Variants in STOX1 observed in about 807,000 individuals in gnomAD.
STOX1 encodes storkhead-box protein 1.
In STOX1, 57 loss-of-function variants were observed where a neutral mutation model predicts 74.8. That is an observed-to-expected ratio of 0.76 (90% CI 0.62 to 0.95). The LOEUF (loss-of-function observed/expected upper bound fraction) is 0.95, where lower values mean the gene tolerates loss of function less well. STOX1 is among the 40% of genes least tolerant of loss of function. The pLI is 0.00. For missense variants in STOX1, 1,010 were observed against 1,117.0 expected (o/e 0.90, Z 1.37); for synonymous variants, 375 against 401.3 (o/e 0.93, Z 0.78).
At chr10:68,859,478 A>G (rs1458258645) in intron 1 of STOX1, among the ~76,000 whole-genome samples, 1 of 152,128 alleles carries the variant, frequency 6.6e-6, no homozygotes, top group African/African-American at 2.4e-5. Flanking sequence ...TGATGCAGGT[A>G]AAGCAGCAGC....
chr10:68,869,764 TC>T (rs976014050), intron 1 of STOX1, among the ~76,000 whole-genome samples: 2 of 152,212 alleles, frequency 1.3e-5, no homozygotes, highest in African/African-American at 4.8e-5. Context: ...ATAGAAGTTT[TC>T]AGAGCCTTTC....
chr10:68,853,802 C>T (rs572026761), intron 1 of STOX1, among the ~76,000 whole-genome samples: 1 of 151,742 alleles, frequency 6.6e-6, no homozygotes, highest in Admixed American at 6.6e-5. Context: ...TCTCCTGCCT[C>T]AGCCTCCCAA....
At chr10:68,853,928 G>T in intron 1 of STOX1, among the ~76,000 whole-genome samples, 1 of 151,752 alleles carries the variant, frequency 6.6e-6, no homozygotes, top group African/African-American at 2.4e-5. Flanking sequence ...CAGGTGATAT[G>T]CCTGTCTTGG....
intron 1 of STOX1, among the ~76,000 whole-genome samples, chr10:68,840,776 T>C (rs886834331): frequency 2.0e-5 from 3 of 151,874 alleles, no homozygotes; most frequent in African/African-American, 7.3e-5. Context: ...TGCCCAGGCT[T>C]GTCTTGAACT....
chr10:68,839,325 C>T (rs765397086), intron 1 of STOX1, among the ~76,000 whole-genome samples: 2 of 152,124 alleles, frequency 1.3e-5, no homozygotes, highest in Admixed American at 6.6e-5. Context: ...TGGGCTCAAG[C>T]GATCCTCCCA....
intron 1 of STOX1, among the ~76,000 whole-genome samples, chr10:68,855,961 A>G (rs1348727694): frequency 2.0e-5 from 3 of 151,932 alleles, no homozygotes; most frequent in Non-Finnish European, 4.4e-5. Flanking sequence ...TTATGTGTGG[A>G]CCGTATGTGA....
intron 1 of STOX1, among the ~76,000 whole-genome samples, chr10:68,863,740 C>T (rs180770515): frequency 2.8e-4 from 42 of 152,112 alleles, no homozygotes; most frequent in South Asian, 8.3e-4. Flanking sequence ...TGTATGGAAT[C>T]GTAACTGAGC....
rs570388101 is a variant in STOX1, at chr10:68,883,478, T to G, written c.464-782T>G. Among the ~76,000 whole-genome samples, 3 of 152,240 alleles carry G rather than the reference T, an allele frequency of 2.0e-5. No individual in the cohort carries two copies. In the South Asian group the frequency reaches 6.2e-4, roughly 32 times the overall value. On this transcript the variant is annotated intron_variant, in intron 2 of 3. Coordinates refer to ENST00000298596, the MANE Select transcript of STOX1 (RefSeq NM_152709.5). ...CCCAAGTTGGAGTGCAGTGGTGCAA[T>G]TACAGCTCATTGCAACCTCTGCCTC...
intron 1 of STOX1, among the ~76,000 whole-genome samples, chr10:68,833,090 T>G (rs918387108): frequency 6.9e-6 from 1 of 144,772 alleles, no homozygotes; most frequent in South Asian, 2.3e-4. Flanking sequence ...GTTTTTTTTT[T>G]TTTTTTTTTT....
chr10:68,885,982 A>T lies in STOX1; in HGVS notation c.2186A>T (p.Asp729Val). Residue 729 changes from aspartate (D) to valine (V), a missense_variant, in exon 3 of 4, where the codon GAT becomes GTT. Physicochemically the swap from Asp to Val is radical, Grantham distance 152. Coordinates refer to ENST00000298596, the MANE Select transcript of STOX1 (RefSeq NM_152709.5). ...ALYQNEVEDD[D>V]GACSSLYLEE... ...TATCAGAATGAAGTGGAAGATGATG[A>T]TGGTGCCTGTAGTTCATTATATCTA... 1 of 1,614,196 alleles carries T rather than the reference A, an allele frequency of 6.2e-7. No homozygotes were observed.
intron 1 of STOX1, among the ~76,000 whole-genome samples, chr10:68,875,331 T>A (rs1246171664): frequency 1.3e-5 from 2 of 152,348 alleles, no homozygotes; most frequent in East Asian, 3.9e-4. Flanking sequence ...CATCTGTAAC[T>A]GGAAGATTTT....
chr10:68,855,283 G>C (rs750742422), intron 1 of STOX1, among the ~76,000 whole-genome samples: 3 of 151,556 alleles, frequency 2.0e-5, no homozygotes, highest in Non-Finnish European at 2.9e-5. Flanking sequence ...ACCACACCCA[G>C]CTAATTTTTG....
intron 1 of STOX1, among the ~76,000 whole-genome samples, chr10:68,877,127 G>A (rs986317164): frequency 1.2e-4 from 18 of 152,200 alleles, no homozygotes; most frequent in African/African-American, 2.4e-5. Context: ...TTTGTCTAGA[G>A]GAGCTCCACA....
At chr10:68,856,565 AG>A (rs1387434259) in intron 1 of STOX1, among the ~76,000 whole-genome samples, 2 of 152,068 alleles carry the variant, frequency 1.3e-5, no homozygotes, top group South Asian at 2.1e-4. Context: ...TCCCCTGTGT[AG>A]GGGACTAGTG....
At chr10:68,862,404 G>A (rs1320269830) in intron 1 of STOX1, among the ~76,000 whole-genome samples, 1 of 152,066 alleles carries the variant, frequency 6.6e-6, no homozygotes, top group Non-Finnish European at 1.5e-5. Context: ...AATTAGGGAT[G>A]TCAACCTTTA....
At chr10:68,892,262 G>A (rs910829137) in intron 3 of STOX1, among the ~76,000 whole-genome samples, 6 of 151,822 alleles carry the variant, frequency 4.0e-5, no homozygotes, top group Middle Eastern at 3.4e-3. Context: ...AATTTCACAG[G>A]AAGATATTGG....
chr10:68,838,941 G>A (rs1054003247), intron 1 of STOX1, among the ~76,000 whole-genome samples: 1 of 151,960 alleles, frequency 6.6e-6, no homozygotes, highest in South Asian at 2.1e-4. Context: ...GCAAGAGTGG[G>A]CATCTGTGTC....
At chr10:68,894,234 T>A (rs1392984964), downstream of STOX1, among the ~76,000 whole-genome samples, 2 of 152,074 alleles carry the variant, frequency 1.3e-5, no homozygotes, top group Non-Finnish European at 2.9e-5. Flanking sequence ...TAATTTTTTG[T>A]ATTTTTAGTA....
At chr10:68,845,774 G>C (rs1374322137) in intron 1 of STOX1, among the ~76,000 whole-genome samples, 1 of 151,240 alleles carries the variant, frequency 6.6e-6, no homozygotes, top group Non-Finnish European at 1.5e-5. Context: ...GCTAATTTTT[G>C]TATTTTTAGT....
Sources: gnomAD v4.1 joint callset for allele counts (sites outside exome capture counted in the v4.1 genomes callset) on GRCh38, gnomAD v4.1.1 for gene constraint, MANE v1.5 for transcripts, NCBI Gene and HGNC (gene_info 2026-07-23, HGNC 2026-07-21) for gene names.